ARHGAP21: variants seen among roughly 807,000 people sequenced by gnomAD.
ARHGAP21 encodes rho GTPase-activating protein 21.
Under a neutral mutation model 164.6 loss-of-function variants are expected in ARHGAP21, and 38 were observed. The ratio of observed to expected loss-of-function variants is 0.23; its 90% CI spans 0.18 to 0.30. The LOEUF is 0.30. Among genes scored for constraint, ARHGAP21 ranks in the 10% least tolerant of loss-of-function variants. The pLI is 1.00. For missense variants in ARHGAP21, 1,822 were observed against 2,370.7 expected (o/e 0.77, Z 4.81); for synonymous variants, 766 against 857.9 (o/e 0.89, Z 1.87).
intron 12 of ARHGAP21, among the ~76,000 whole-genome samples, chr10:24,604,091 A>G (rs2076926408): frequency 6.6e-6 from 1 of 152,158 alleles, no homozygotes; most frequent in African/African-American, 2.4e-5. Context: ...AATTTCCAGG[A>G]TAGAAAAGCA....
At position 24,597,518 on chromosome 10, in the gene ARHGAP21, G is replaced by A; in HGVS notation, c.3263C>T (p.Ala1088Val). 1.2e-6 allele frequency: 2 copies of A among 1,614,104 alleles called. No homozygotes were observed. The highest frequency in any genetic ancestry group is 1.7e-6 in the Non-Finnish European group (2 of 1,179,986). The change falls in exon 16 of 26, where the codon GCT becomes GTT. Residue 1088 changes from alanine (A) to valine (V), a missense_variant. Ala to Val is a moderately conservative substitution (Grantham distance 64, BLOSUM62 0). This residue lies in a region of ARHGAP21 where 1,090 missense variants were observed against 1,378.9 expected (regional missense o/e 0.79). Transcript: ENST00000396432. The stretch of plus-strand genomic sequence containing the variant: ...GCTTTGAGTCTTTGGCTCTGATTTA[G>A]CACCAAGCAAAGTTTGCCTGATGCT... ...SLSIRQTLLG[A>V]KSEPKTQSPH...
At chr10:24,677,167 C>A (rs1841336489) in intron 2 of ARHGAP21, among the ~76,000 whole-genome samples, 1 of 152,120 alleles carries the variant, frequency 6.6e-6, no homozygotes. Context: ...TTGCAGTGAG[C>A]CAAGAACACG....
chr10:24,698,653 C>T (rs890296019), intron 2 of ARHGAP21, among the ~76,000 whole-genome samples: 1 of 152,166 alleles, frequency 6.6e-6, no homozygotes, highest in Non-Finnish European at 1.5e-5. Context: ...AGGCAGAATA[C>T]CCTACTAGGG....
intron 4 of ARHGAP21, chr10:24,640,266 A>G (rs1836861100): frequency 6.6e-6 from 1 of 151,380 alleles, no homozygotes; most frequent in Admixed American, 6.6e-5. Flanking sequence ...CTGCCTGGGA[A>G]TATCAGGTGC....
chr10:24,607,412 C>T, intron 11 of ARHGAP21, 87 bp downstream of exon 11: 2 of 1,060,636 alleles, frequency 1.9e-6, no homozygotes, highest in East Asian at 2.5e-5. Flanking sequence ...AAACATAAGA[C>T]ATCATTAAAT....
intron 2 of ARHGAP21, among the ~76,000 whole-genome samples, chr10:24,703,082 GAA>G (rs1391426208): frequency 1.3e-5 from 2 of 151,830 alleles, no homozygotes; most frequent in African/African-American, 4.8e-5. Context: ...TCCTAAAATG[GAA>G]AAGTGTACAT....
intron 2 of ARHGAP21, among the ~76,000 whole-genome samples, chr10:24,720,948 T>C (rs1845861947): frequency 1.3e-5 from 2 of 151,800 alleles, no homozygotes; most frequent in African/African-American, 2.4e-5. Context: ...ACATAGTATA[T>C]TCATAATAGA....
At chr10:24,682,954 G>A (rs1052519699) in intron 2 of ARHGAP21, among the ~76,000 whole-genome samples, 6 of 151,984 alleles carry the variant, frequency 3.9e-5, no homozygotes, top group African/African-American at 1.4e-4. Flanking sequence ...AAATTAGCCA[G>A]GCGTGGTGGC....
At chr10:24,647,260 C>G (rs1402375249) in intron 4 of ARHGAP21, among the ~76,000 whole-genome samples, 1 of 152,186 alleles carries the variant, frequency 6.6e-6, no homozygotes, top group Non-Finnish European at 1.5e-5. Flanking sequence ...TTTCCCAGGA[C>G]TTGAAGTAAA....
intron 7 of ARHGAP21, among the ~76,000 whole-genome samples, chr10:24,627,847 C>T (rs1835295958): frequency 1.3e-5 from 2 of 152,196 alleles, no homozygotes; most frequent in African/African-American, 4.8e-5. Context: ...AATCACACTG[C>T]AGGATATCAT....
At chr10:24,624,493 C>T (rs1834900523) in intron 7 of ARHGAP21, among the ~76,000 whole-genome samples, 1 of 151,720 alleles carries the variant, frequency 6.6e-6, no homozygotes, top group Non-Finnish European at 1.5e-5. Context: ...GCATGAGCCA[C>T]CATGCTCAGC....
intron 4 of ARHGAP21, among the ~76,000 whole-genome samples, chr10:24,661,137 A>G (rs1167655368): frequency 4.7e-5 from 7 of 149,524 alleles, no homozygotes; most frequent in Non-Finnish European, 1.0e-4. Flanking sequence ...ATGTTATACT[A>G]TATTGTTATA....
intron 6 of ARHGAP21, among the ~76,000 whole-genome samples, chr10:24,632,870 C>T (rs904213551): frequency 2.0e-5 from 3 of 152,094 alleles, no homozygotes; most frequent in African/African-American, 4.8e-5. Context: ...AAATGATCTT[C>T]GAGGTCTCAT....
intron 4 of ARHGAP21, among the ~76,000 whole-genome samples, chr10:24,646,497 G>A (rs191474119): frequency 1.7e-3 from 259 of 152,250 alleles, no homozygotes; most frequent in African/African-American, 5.4e-3. Flanking sequence ...AATCAGTCAA[G>A]CACAGTGGTG....
In ARHGAP21 at chr10:24,595,924, G is replaced by A. The variant is rs1274216607; in HGVS notation, c.3597C>T (p.Leu1199=). ...NAAISSMQEE[L]NKGMADIDIQ... is the part of the protein sequence containing the mutation. ...TATCAATATCAGCCATTCCCTTGTT[G>A]AGTTCTTCTTGCATACTTGAGATGG... Residue 1199 remains leucine, a synonymous_variant, in exon 18 of 26, where the codon CTC becomes CTT. Transcript: ENST00000396432. The A allele has an allele frequency of 1.9e-6, 3 of 1,613,408 alleles. No homozygotes were observed. Among genetic ancestry groups the A allele is most frequent in the African/African-American group, 1.3e-5 (1 of 75,012 alleles).
At chr10:24,594,388 A>G (rs2076482863) in intron 21 of ARHGAP21, among the ~76,000 whole-genome samples, 1 of 152,174 alleles carries the variant, frequency 6.6e-6, no homozygotes, top group East Asian at 1.9e-4. Flanking sequence ...GCTCATGCCT[A>G]TAATCCCAGC....
At chr10:24,628,360 A>C (rs866948143) in intron 7 of ARHGAP21, among the ~76,000 whole-genome samples, 3 of 152,252 alleles carry the variant, frequency 2.0e-5, no homozygotes, top group African/African-American at 7.2e-5. Flanking sequence ...GTTAATCCCC[A>C]TGAGTTTCAC....
intron 4 of ARHGAP21, among the ~76,000 whole-genome samples, chr10:24,664,783 A>C (rs932774330): frequency 2.0e-5 from 3 of 152,086 alleles, no homozygotes; most frequent in Non-Finnish European, 4.4e-5. Context: ...CTTCTCCAGC[A>C]GATTATACCC....
In ARHGAP21 at chr10:24,620,262, T is replaced by C; in HGVS notation, c.1633A>G (p.Arg545Gly). The C allele has an allele frequency of 1.2e-6, 2 of 1,613,990 alleles. No individual in the cohort carries two copies. Among genetic ancestry groups the C allele is most frequent in the Non-Finnish European group, 1.7e-6 (2 of 1,179,878 alleles). Residue 545 changes from arginine to glycine, a missense_variant, in exon 9 of 26, where the codon AGG becomes GGG. Around this residue, in one of 5 missense-constraint regions of ARHGAP21, gnomAD observed 1,090 missense variants for 1,378.9 expected, o/e 0.79. Transcript: ENST00000396432. ...DDRRGICERP[R>G]QQEIHKSFRG... The stretch of plus-strand genomic sequence containing the variant: ...AAAGATTTATGAATTTCTTGCTGCC[T>C]AGGTCTTTCACAAATACCTCGTCTA...
Sources: allele counts gnomAD v4.1 joint callset (sites outside exome capture counted in the v4.1 genomes callset), GRCh38; gene constraint gnomAD v4.1.1; regional missense constraint gnomAD v4.1.1; transcripts MANE v1.5; gene names NCBI Gene and HGNC (gene_info 2026-07-23, HGNC 2026-07-21).